ATE1: variants seen among roughly 807,000 people sequenced by gnomAD.
The protein encoded by ATE1 is arginyltransferase 1.
Under a neutral mutation model 70.5 loss-of-function variants are expected in ATE1, and 36 were observed. The ratio of observed to expected loss-of-function variants is 0.51; its 90% CI spans 0.39 to 0.67. ATE1 has a LOEUF of 0.67. Among genes scored for constraint, ATE1 ranks in the 30% least tolerant of loss-of-function variants. ATE1 has a pLI of 0.00. For missense variants in ATE1, 593 were observed against 629.5 expected (o/e 0.94, Z 0.62); for synonymous variants, 232 against 219.3 (o/e 1.06, Z -0.51).
intron 11 of ATE1, among the ~76,000 whole-genome samples, chr10:121,783,352 A>G (rs1294773351): frequency 6.6e-6 from 1 of 152,218 alleles, no homozygotes; most frequent in Non-Finnish European, 1.5e-5. Flanking sequence ...TTAAGATGTC[A>G]TAAAGCTCCT....
intron 11 of ATE1, among the ~76,000 whole-genome samples, chr10:121,745,348 C>A (rs1344934170): frequency 1.3e-5 from 2 of 152,118 alleles, no homozygotes; most frequent in African/African-American, 4.8e-5. Flanking sequence ...GGATCCCCTC[C>A]CCGGAGATCC....
intron 11 of ATE1, among the ~76,000 whole-genome samples, chr10:121,783,437 TTCTGCTATATTAAGATTC>T: frequency 1.3e-5 from 2 of 152,272 alleles, no homozygotes; most frequent in South Asian, 4.1e-4. Flanking sequence ...TGAACCATGG[TTCTGCTATATTAAGATTC>T]TCACTTTTAT....
At chr10:121,887,005 A>T (rs1056415571) in intron 7 of ATE1, among the ~76,000 whole-genome samples, 1 of 152,232 alleles carries the variant, frequency 6.6e-6, no homozygotes, top group Middle Eastern at 3.2e-3. Flanking sequence ...AAAGTCCAGA[A>T]AATATTTAAA....
intron 10 of ATE1, among the ~76,000 whole-genome samples, chr10:121,810,597 T>G (rs896034169): frequency 6.6e-6 from 1 of 152,082 alleles, no homozygotes; most frequent in African/African-American, 2.4e-5. Flanking sequence ...AAGAGTAAAG[T>G]TCTTCTGGAA....
intron 10 of ATE1, among the ~76,000 whole-genome samples, chr10:121,828,289 T>C (rs1481775891): frequency 2.6e-5 from 4 of 152,206 alleles, no homozygotes; most frequent in African/African-American, 7.2e-5. Flanking sequence ...ACCTACACCA[T>C]GTGTTTCAGT....
Position 121,902,413 on chromosome 10 carries a change from T to A in ATE1, c.791A>T (p.Glu264Val). 1 of 1,614,132 alleles carries A rather than the reference T, an allele frequency of 6.2e-7. No individual in the cohort carries two copies. The highest frequency in any genetic ancestry group is 8.5e-7 in the Non-Finnish European group (1 of 1,179,984). ...LEDLIFESLP[E>V]NASHKLEVRV... ...TACCTCTAACTTGTGTGATGCATTC[T>A]CTGGTAAAGACTCAAAAATTAAATC... Residue 264 changes from glutamate to valine, a missense_variant, in exon 6 of 12, where the codon GAG (glutamate) becomes GTG (valine). Around this residue, in one of 3 missense-constraint regions of ATE1, gnomAD observed 467 missense variants for 469.6 expected, o/e 0.99. Transcript: ENST00000224652.
At chr10:121,846,283 A>C (rs143955268) in intron 8 of ATE1, among the ~76,000 whole-genome samples, 2 of 152,312 alleles carry the variant, frequency 1.3e-5, no homozygotes, top group East Asian at 3.9e-4. Context: ...GTATGAGATA[A>C]ATATTCATTA....
At chr10:121,928,087 C>A (rs1490170566), upstream of ATE1, 4 of 1,209,508 alleles carry the variant, frequency 3.3e-6, no homozygotes, top group Non-Finnish European at 4.1e-6. Context: ...CAGGCCCGGC[C>A]GGCCCGGCGC....
At position 121,927,929 on chromosome 10, in the gene ATE1, A is replaced by C; in HGVS notation, c.21T>G (p.Gly7=). ...GGAAATAGTCCACGACGCTGGGCGA[A>C]CCCCCCGCCCAGAAAGCCATGGCCT... MAFWAG[G]SPSVVDYFPS... Residue 7 remains glycine (G), a synonymous_variant, in exon 1 of 12, where the codon GGT becomes GGG. Coordinates refer to ENST00000224652, the MANE Select transcript of ATE1 (RefSeq NM_001001976.3). 1 of 1,572,020 alleles carries C rather than the reference A, an allele frequency of 6.4e-7. No individual in the cohort carries two copies. The highest frequency in any genetic ancestry group is 8.6e-7 in the Non-Finnish European group (1 of 1,162,238).
intron 11 of ATE1, among the ~76,000 whole-genome samples, chr10:121,763,632 A>T (rs1328466403): frequency 6.6e-6 from 1 of 152,214 alleles, no homozygotes; most frequent in African/African-American, 2.4e-5. Context: ...GCAGCACAGG[A>T]GACTTCTAGG....
At chr10:121,856,076 CAAA>C (rs34106606) in intron 8 of ATE1, among the ~76,000 whole-genome samples, 23 of 125,742 alleles carry the variant, frequency 1.8e-4, no homozygotes, top group Admixed American at 3.2e-4. Flanking sequence ...AACTATATCT[CAAA>C]AAAAAAAAAA....
intron 11 of ATE1, among the ~76,000 whole-genome samples, chr10:121,755,125 CAGAG>C (rs1320794943): frequency 6.6e-6 from 1 of 152,086 alleles, no homozygotes. Context: ...TCTAAAAAAA[CAGAG>C]AGAAAAGTAA....
intron 8 of ATE1, among the ~76,000 whole-genome samples, chr10:121,867,368 G>A (rs545722371): frequency 5.2e-4 from 79 of 152,276 alleles, no homozygotes; most frequent in African/African-American, 1.8e-3. Flanking sequence ...TTTGGTCCCT[G>A]TACAGGAAAG....
chr10:121,890,372 T>C (rs1177679152), intron 7 of ATE1, among the ~76,000 whole-genome samples: 1 of 152,176 alleles, frequency 6.6e-6, no homozygotes, highest in Non-Finnish European at 1.5e-5. Context: ...TGAACATGTA[T>C]GCTAAAGAAT....
chr10:121,919,283 C>G (rs185029194), intron 3 of ATE1, among the ~76,000 whole-genome samples: 2 of 152,222 alleles, frequency 1.3e-5, no homozygotes, highest in African/African-American at 2.4e-5. Flanking sequence ...AAGAACCCAC[C>G]AGAAGGAACC....
Position 121,790,221 on chromosome 10 carries a change from C to T in ATE1, c.1326G>A (p.Leu442=). 1 of 1,614,068 alleles carries T rather than the reference C, an allele frequency of 6.2e-7. No individual in the cohort carries two copies. Among genetic ancestry groups the T allele is most frequent in the African/African-American group, 1.3e-5 (1 of 75,020 alleles). The change falls in exon 11 of 12, where the codon CTG becomes CTA. Residue 442 remains leucine, a synonymous_variant. Coordinates refer to ENST00000224652, the MANE Select transcript of ATE1 (RefSeq NM_001001976.3). ...AGTACTTGGAGTTTTCAAGTGAAGG[C>T]AGGCATTGCTCAATGGGTACCCAAA... The part of the protein sequence containing the change: ...TYVWVPIEQC[L]PSLENSKYCR...
At chr10:121,840,553 G>C (rs1380119367) in intron 9 of ATE1, among the ~76,000 whole-genome samples, 1 of 151,916 alleles carries the variant, frequency 6.6e-6, no homozygotes, top group Non-Finnish European at 1.5e-5. Context: ...AGTTCTGAAG[G>C]GGGCCTTAAA....
intron 10 of ATE1, among the ~76,000 whole-genome samples, chr10:121,806,029 C>T (rs887923394): frequency 4.6e-5 from 7 of 152,054 alleles, no homozygotes; most frequent in African/African-American, 7.2e-5. Flanking sequence ...GTAGTATTCC[C>T]GCAAAAGTGA....
intron 10 of ATE1, among the ~76,000 whole-genome samples, chr10:121,791,106 T>A (rs1259422675): frequency 1.3e-4 from 18 of 140,298 alleles, no homozygotes; most frequent in Non-Finnish European, 2.0e-4. Flanking sequence ...ATTTTTTTTT[T>A]TTTTTGAGAT....
Sources: gnomAD v4.1 joint callset for allele counts (sites outside exome capture counted in the v4.1 genomes callset) on GRCh38, gnomAD v4.1.1 for gene constraint, gnomAD v4.1.1 regional missense constraint, MANE v1.5 for transcripts, NCBI Gene and HGNC (gene_info 2026-07-23, HGNC 2026-07-21) for gene names.